The following ADAMTS4 variants were observed in gnomAD, a reference collection of about 807,000 sequenced individuals.
ADAMTS4 encodes the protein A disintegrin and metalloproteinase with thrombospondin motifs 4.
Under a neutral mutation model 66.7 loss-of-function variants are expected in ADAMTS4, and 38 were observed. The ratio of observed to expected loss-of-function variants is 0.57; its 90% CI spans 0.44 to 0.75. The LOEUF (loss-of-function observed/expected upper bound fraction) is 0.75. Ranked by LOEUF, ADAMTS4 falls within the 30% of genes least tolerant of loss-of-function variation. The pLI is 0.00. For missense variants in ADAMTS4, 1,014 were observed against 1,116.7 expected (o/e 0.91, Z 1.31); for synonymous variants, 418 against 461.5 (o/e 0.91, Z 1.21).
At chr1:161,191,683 GTGAGCT>G in intron 8 of ADAMTS4, 119 bp from the exon 9 acceptor site, 1 of 1,074,084 alleles carries the variant, frequency 9.3e-7, no homozygotes, top group Middle Eastern at 2.4e-4. Context: ...CCAATCCTAT[GTGAGCT>G]GTTCGGTCTG....
In ADAMTS4 at chr1:161,196,116, AC is replaced by A. The variant is rs1664823185; in HGVS notation, c.1090+54del. 6 of 1,491,900 alleles carry A rather than the reference AC, an allele frequency of 4.0e-6. No homozygotes were observed. The African/African-American group carries it at 4.2e-5, about 10-fold the overall frequency. The allele number at this position is 1,491,900 out of a possible 1,614,324, so 92.4% of individuals were successfully genotyped here. The stretch of plus-strand genomic sequence containing the variant: ...CCATTAACACTGTGGTGAACTTGCT[AC>A]CCCCTCCCCCACCTTCTCCTCCCTA... On this transcript the variant is annotated intron_variant, in intron 3 of 8. Transcript: ENST00000367996.
chr1:161,196,448 A>G, intron 2 of ADAMTS4, 109 bp downstream of exon 2: 1 of 1,504,222 alleles, frequency 6.6e-7, no homozygotes, highest in Non-Finnish European at 9.0e-7. Context: ...TGGCTGGGGC[A>G]AGGCACCATG....
At chr1:161,191,594 G>A (rs1370427230) in intron 8 of ADAMTS4, 30 bp from the exon 9 acceptor site, 1 of 1,572,860 alleles carries the variant, frequency 6.4e-7, no homozygotes. Context: ...GGGGAGCTCA[G>A]GATCACCTGA....
intron 1 of ADAMTS4, 82 bp downstream of exon 1, chr1:161,197,913 G>A (rs1664921272): frequency 1.3e-6 from 2 of 1,503,052 alleles, no homozygotes; most frequent in South Asian, 1.4e-5. Context: ...AAGTGTAAGT[G>A]GGTGGAGAGA....
chr1:161,193,191 C>T lies in ADAMTS4; in HGVS notation c.1911+22G>A. 3 of 1,604,570 alleles carry T rather than the reference C, an allele frequency of 1.9e-6. No homozygotes were observed. Among genetic ancestry groups the T allele is most frequent in the Non-Finnish European group, 2.6e-6 (3 of 1,174,522 alleles). Reference sequence around the variant, plus strand: ...GGGTGTGTGTGACCATAGACAGGGCCTGGGGGTGTCCTGACCCTCACCCGT... The same window carrying T: ...GGGTGTGTGTGACCATAGACAGGGCTTGGGGGTGTCCTGACCCTCACCCGT... On this transcript the variant is annotated intron_variant, in intron 7 of 8. Coordinates refer to ENST00000367996, the MANE Select transcript of ADAMTS4 (RefSeq NM_005099.6). This position sits in a 1 kb window ranked among gnomAD's most constrained non-coding sequence, Gnocchi z 4.4.
intron 7 of ADAMTS4, among the ~76,000 whole-genome samples, 186 bp from the exon 8 acceptor site, chr1:161,192,426 AC>A (rs1273134116): frequency 2.0e-5 from 3 of 152,156 alleles, no homozygotes; most frequent in Admixed American, 1.3e-4. Flanking sequence ...AATTATTATC[AC>A]ATATAACATC....
rs746852468 is a variant in ADAMTS4, at chr1:161,196,600, G to A, written c.914C>T (p.Ser305Leu). Residue 305 changes from serine (S) to leucine (L), a missense_variant, in exon 2 of 9, where the codon TCG becomes TTG. By Grantham distance (145) the Ser-to-Leu change is moderately radical. Coordinates refer to ENST00000367996, the MANE Select transcript of ADAMTS4 (RefSeq NM_005099.6). ...WQRGLNTPEDSDPDHFDTAIL... is the reference protein window; with the variant it reads ...WQRGLNTPEDLDPDHFDTAIL... Reference sequence around the variant, plus strand: ...GGCTGTGTCAAAGTGGTCAGGGTCCGAGTCCTCAGGGGTGTTGAGGCCCCG... The same window carrying A: ...GGCTGTGTCAAAGTGGTCAGGGTCCAAGTCCTCAGGGGTGTTGAGGCCCCG... 1.2e-5 allele frequency: 19 copies of A among 1,614,202 alleles called. No individual in the cohort carries two copies. The East Asian group carries it at 2.7e-4, about 23-fold the overall frequency.
At chr1:161,197,339 GA>G in intron 1 of ADAMTS4, 1 of 167,320 alleles carries the variant, frequency 6.0e-6, no homozygotes. Context: ...GTTGTGGAGG[GA>G]GCGTCTGGTC....
rs1188537152 is a variant in ADAMTS4 at position 161,198,106 on chromosome 1, C to T, written c.522G>A (p.Gly174=). The T allele has an allele frequency of 1.9e-6, 3 of 1,613,656 alleles. No individual in the cohort carries two copies. The highest frequency in any genetic ancestry group is 2.5e-6 in the Non-Finnish European group (3 of 1,179,856). Reference sequence around the variant, plus strand: ...GGCGTAGGATGTGAGCCCCAGGTCCCCCAGCAGAGTTAGGGGTGCCTCCCT... The same window carrying T: ...GGCGTAGGATGTGAGCCCCAGGTCCTCCAGCAGAGTTAGGGGTGCCTCCCT... ...PLEGGTPNSA[G]GPGAHILRRK... The change falls in exon 1 of 9, where the codon GGG becomes GGA. Residue 174 remains glycine, a synonymous_variant. Coordinates refer to ENST00000367996, the MANE Select transcript of ADAMTS4 (RefSeq NM_005099.6). The surrounding 1 kb of genome is among the most constrained non-coding windows in gnomAD (Gnocchi z 4.7).
Position 161,198,727 on chromosome 1 carries a change from G to T in ADAMTS4, c.-100C>A. 8.5e-7 allele frequency: 1 copy of T among 1,178,934 alleles called. No individual in the cohort carries two copies. Among genetic ancestry groups the T allele is most frequent in the Non-Finnish European group, 1.2e-6 (1 of 866,546 alleles). 73.0% of individuals were successfully genotyped at this position (1,178,934 alleles called of 1,614,324 possible). On this transcript the variant is annotated 5_prime_UTR_variant, in exon 1 of 9. Coordinates refer to ENST00000367996, the MANE Select transcript of ADAMTS4 (RefSeq NM_005099.6). The surrounding 1 kb of genome is among the most constrained non-coding windows in gnomAD (Gnocchi z 4.7). ...CTCCTCTCTGTAGCCTGGGGGCTTG[G>T]ACTCCTGCCAAGGTCAGAGGCAAAG... is the stretch of plus-strand genomic sequence containing the variant.
At chr1:161,195,428 A>G (rs757146905) in intron 4 of ADAMTS4, 37 bp downstream of exon 4, 2 of 1,560,248 alleles carry the variant, frequency 1.3e-6, no homozygotes, top group Non-Finnish European at 1.7e-6. Context: ...ACAGGAATTG[A>G]GTGCTACCCA....
At position 161,198,128 on chromosome 1, in the gene ADAMTS4, C is replaced by T. The variant is rs770946691; in HGVS notation, c.500G>A (p.Gly167Glu). The change falls in exon 1 of 9, where the codon GGA (glycine) becomes GAA (glutamate). Residue 167 changes from glycine to glutamate, a missense_variant. By Grantham distance (98) the Gly-to-Glu change is moderately conservative. Coordinates refer to ENST00000367996, the MANE Select transcript of ADAMTS4 (RefSeq NM_005099.6). The surrounding 1 kb of genome is among the most constrained non-coding windows in gnomAD (Gnocchi z 4.7). ...GAELHLQPLEGGTPNSAGGPG... is the reference protein window; with the variant it reads ...GAELHLQPLEEGTPNSAGGPG... ...TCCCCCAGCAGAGTTAGGGGTGCCT[C>T]CCTCCAGGGGCTGGAGGTGGAGTTC... 3.7e-6 allele frequency: 6 copies of T among 1,613,880 alleles called. No homozygotes were observed. In the South Asian group the frequency reaches 6.6e-5, roughly 18 times the overall value.
At position 161,198,346 on chromosome 1, in the gene ADAMTS4, T is replaced by G. The variant is rs780911328; in HGVS notation, c.282A>C (p.Leu94=). The G allele has an allele frequency of 6.2e-7, 1 of 1,613,290 alleles. No homozygotes were observed. Among genetic ancestry groups the G allele is most frequent in the East Asian group, 2.2e-5 (1 of 44,854 alleles). ...GCACACCGGAGTCCTGCTCCAGCTCTAGTAGCAGCGTCTCCCCAAAGGCCT... is the reference window on the plus strand; with the variant it reads ...GCACACCGGAGTCCTGCTCCAGCTCGAGTAGCAGCGTCTCCCCAAAGGCCT... ...RLQAFGETLL[L]ELEQDSGVQV... Residue 94 remains leucine, a synonymous_variant, in exon 1 of 9, where the codon CTA becomes CTC. Transcript: ENST00000367996. The surrounding 1 kb of genome is among the most constrained non-coding windows in gnomAD (Gnocchi z 4.7).
Position 161,198,288 on chromosome 1 carries a change from G to T in ADAMTS4, c.340C>A (p.Gln114Lys), listed in dbSNP as rs547537603. 9.3e-6 allele frequency: 15 copies of T among 1,613,754 alleles called. No individual in the cohort carries two copies. The South Asian group carries it at 1.6e-4, about 18-fold the overall frequency. ...GCTCCACCCAGCAGCTCAGGCGCCT[G>T]GCCCAGGTACTGCACTGTCAGCCCC... Reference protein sequence around the residue: ...VEGLTVQYLGQAPELLGGAEP... With the variant: ...VEGLTVQYLGKAPELLGGAEP... Residue 114 changes from glutamine (Q) to lysine (K), a missense_variant, in exon 1 of 9, where the codon CAG (glutamine) becomes AAG (lysine). Physicochemically the swap from Gln to Lys is moderately conservative, Grantham distance 53. Transcript: ENST00000367996. This position sits in a 1 kb window ranked among gnomAD's most constrained non-coding sequence, Gnocchi z 4.7.
intron 7 of ADAMTS4, 22 bp from the exon 8 acceptor site, chr1:161,192,262 A>G: frequency 6.2e-7 from 1 of 1,605,554 alleles, no homozygotes; most frequent in Non-Finnish European, 8.5e-7. Flanking sequence ...AGAAAGAACA[A>G]TGCTGAAGGT....
intron 4 of ADAMTS4, 36 bp downstream of exon 4, chr1:161,195,429 G>C (rs759531414): frequency 1.3e-6 from 2 of 1,566,260 alleles, no homozygotes; most frequent in Non-Finnish European, 1.7e-6. Context: ...CAGGAATTGA[G>C]TGCTACCCAG....
At chr1:161,195,666 AG>A (rs1333675055) in intron 3 of ADAMTS4, 31 bp from the exon 4 acceptor site, 1 of 1,585,878 alleles carries the variant, frequency 6.3e-7, no homozygotes, top group Non-Finnish European at 8.6e-7. Context: ...ATAGGATCTG[AG>A]GGTCCCTTCC....
At chr1:161,195,247 C>G (rs975718301) in intron 4 of ADAMTS4, among the ~76,000 whole-genome samples, 1 of 152,230 alleles carries the variant, frequency 6.6e-6, no homozygotes, top group Non-Finnish European at 1.5e-5. Context: ...AGTTCTAATT[C>G]TACTGAGCCA....
rs1664630824 is a variant in ADAMTS4 at position 161,190,266 on chromosome 1, T to C, written c.*872A>G. ...TACTCGGGAGGCTGAGGCAGGAGAA[T>C]TGCTGGAACCCAGGTGGCGAAGGTT... On this transcript the variant is annotated 3_prime_UTR_variant, in exon 9 of 9. Transcript: ENST00000367996. 6.6e-6 allele frequency: 1 copy of C among 152,084 alleles called. No homozygotes were observed. Among genetic ancestry groups the C allele is most frequent in the Non-Finnish European group, 1.5e-5 (1 of 68,036 alleles). 9.4% of individuals were successfully genotyped at this position (152,084 alleles called of 1,614,324 possible).
Sources: gnomAD v4.1 joint callset for allele counts (sites outside exome capture counted in the v4.1 genomes callset) on GRCh38, gnomAD v4.1.1 for gene constraint, Gnocchi (gnomAD v3.1) non-coding constraint, MANE v1.5 for transcripts, NCBI Gene and HGNC (gene_info 2026-07-23, HGNC 2026-07-21) for gene names.